The following MAGI2 variants were observed in gnomAD, a reference collection of about 807,000 sequenced individuals.
The protein encoded by MAGI2 is membrane associated guanylate kinase, WW and PDZ domain containing 2.
In MAGI2, 35 loss-of-function variants were observed where a neutral mutation model predicts 133.3. The ratio of observed to expected loss-of-function variants is 0.26; its 90% CI spans 0.20 to 0.35. The LOEUF (loss-of-function observed/expected upper bound fraction) is 0.35. Among genes scored for constraint, MAGI2 ranks in the 10% least tolerant of loss-of-function variants. MAGI2 has a pLI of 1.00. For missense variants in MAGI2, 1,636 were observed against 1,863.4 expected (o/e 0.88, Z 2.25); for synonymous variants, 729 against 710.6 (o/e 1.03, Z -0.41).
At chr7:78,347,880 C>A (rs1384691202) in intron 7 of MAGI2, among the ~76,000 whole-genome samples, 1 of 152,186 alleles carries the variant, frequency 6.6e-6, no homozygotes, top group Non-Finnish European at 1.5e-5. Context: ...GACTGTGGTG[C>A]ACAGTGAACT....
intron 3 of MAGI2, among the ~76,000 whole-genome samples, chr7:78,591,237 T>C (rs1419954288): frequency 2.0e-5 from 3 of 152,186 alleles, no homozygotes; most frequent in Non-Finnish European, 4.4e-5. Flanking sequence ...TTTCAAGAAG[T>C]CATATTGACT....
At chr7:78,853,064 C>T (rs1380176301) in intron 2 of MAGI2, among the ~76,000 whole-genome samples, 1 of 151,698 alleles carries the variant, frequency 6.6e-6, no homozygotes, top group African/African-American at 2.4e-5. Context: ...ACAAAGCAAC[C>T]CAAGAAAAAA....
intron 1 of MAGI2, among the ~76,000 whole-genome samples, chr7:79,181,613 T>C (rs2191811): frequency 0.77 from 116,738 of 151,788 alleles, 46,212 homozygotes; most frequent in Non-Finnish European, 0.87. Context: ...GAGACATTTT[T>C]CCCATTGTCT....
At position 78,804,748 on chromosome 7, in the gene MAGI2, CAAAAAAAA is replaced by C. The variant is rs373472835; in HGVS notation, c.419-177517_419-177510del. 1.8e-3 allele frequency among the ~76,000 whole-genome samples: 172 copies of C among 97,616 alleles called. 3 individuals carry two copies. The highest frequency in any genetic ancestry group is 5.0e-3 in the South Asian group (16 of 3,232). 64.0% of individuals were successfully genotyped at this position (97,616 alleles called of 152,430 possible). The stretch of plus-strand genomic sequence containing the variant: ...TGGGCAACAGAGCGAGACTCTGTCT[CAAAAAAAA>C]AAAAAAAAAAAAAAAACCTTTGGCC... On this transcript the variant is annotated intron_variant, in intron 2 of 21. Coordinates refer to ENST00000354212, the MANE Select transcript of MAGI2 (RefSeq NM_012301.4).
intron 1 of MAGI2, among the ~76,000 whole-genome samples, chr7:79,297,480 C>T (rs935061681): frequency 6.6e-6 from 1 of 152,092 alleles, no homozygotes; most frequent in Non-Finnish European, 1.5e-5. Context: ...CTAAGAGCCT[C>T]AGTTAAATTT....
At position 78,033,472 on chromosome 7, in the gene MAGI2, CAAAAAA is replaced by C. The variant is rs199985014; in HGVS notation, c.3707-13502_3707-13497del. 8.3e-5 allele frequency among the ~76,000 whole-genome samples: 11 copies of C among 132,400 alleles called. No individual in the cohort carries two copies. In the East Asian group the frequency reaches 2.0e-3, roughly 24 times the overall value. The allele number at this position is 132,400 out of a possible 152,430, so 86.9% of individuals were successfully genotyped here. On this transcript the variant is annotated intron_variant, in intron 21 of 21. Coordinates refer to ENST00000354212, the MANE Select transcript of MAGI2 (RefSeq NM_012301.4). Reference sequence around the variant, plus strand: ...TGAGCAACACAGTAAGAGCTTGTCTCAAAAAAAAAAAAAAAAAAAAGAAAAAAGAAA... The same window carrying C: ...TGAGCAACACAGTAAGAGCTTGTCTCAAAAAAAAAAAAAAGAAAAAAGAAA...
chr7:78,215,539 TA>T (rs1788183923), intron 10 of MAGI2, among the ~76,000 whole-genome samples: 2 of 152,090 alleles, frequency 1.3e-5, no homozygotes, highest in South Asian at 4.2e-4. Context: ...ACTATGCACT[TA>T]GAGTGATGAT....
chr7:79,048,364 G>C (rs2116965418), intron 1 of MAGI2, among the ~76,000 whole-genome samples: 1 of 152,244 alleles, frequency 6.6e-6, no homozygotes, highest in South Asian at 2.1e-4. Flanking sequence ...GTTTACTTGA[G>C]GAACAAAATG....
intron 21 of MAGI2, among the ~76,000 whole-genome samples, chr7:78,061,080 C>G (rs1438818903): frequency 1.3e-5 from 2 of 151,202 alleles, no homozygotes; most frequent in African/African-American, 4.9e-5. Context: ...GTGAGAATTG[C>G]CTGAACCCAG....
intron 7 of MAGI2, among the ~76,000 whole-genome samples, chr7:78,363,845 CT>C (rs1218482685): frequency 6.6e-6 from 1 of 152,190 alleles, no homozygotes; most frequent in Non-Finnish European, 1.5e-5. Flanking sequence ...ATAAAAATAT[CT>C]ATAGCTCAGT....
chr7:78,387,812 G>A (rs2151306890), intron 6 of MAGI2, among the ~76,000 whole-genome samples: 1 of 152,198 alleles, frequency 6.6e-6, no homozygotes, highest in South Asian at 2.1e-4. Context: ...TGTAGTTGCA[G>A]CTACTCAGGA....
chr7:78,570,381 A>G (rs1302611791), intron 3 of MAGI2, among the ~76,000 whole-genome samples: 1 of 152,198 alleles, frequency 6.6e-6, no homozygotes, highest in Non-Finnish European at 1.5e-5. Flanking sequence ...TTCCTAAAGT[A>G]GCGTGGGGAA....
chr7:78,172,146 A>AG (rs1481869619), intron 14 of MAGI2, among the ~76,000 whole-genome samples: 1 of 152,206 alleles, frequency 6.6e-6, no homozygotes, highest in Non-Finnish European at 1.5e-5. Flanking sequence ...CCAGTAAGTC[A>AG]GGGGAAAAAC....
chr7:79,379,679 T>C (rs1278763979), intron 1 of MAGI2, among the ~76,000 whole-genome samples: 6 of 151,980 alleles, frequency 3.9e-5, no homozygotes, highest in Admixed American at 3.9e-4. Context: ...TGGTATCTCA[T>C]TGTGGTTTTG....
At chr7:78,583,880 T>A (rs568457408) in intron 3 of MAGI2, among the ~76,000 whole-genome samples, 3 of 152,212 alleles carry the variant, frequency 2.0e-5, no homozygotes, top group African/African-American at 7.2e-5. Flanking sequence ...TGAGTCCTTA[T>A]AATGGAGAAT....
chr7:79,001,951 G>A (rs973520576), intron 2 of MAGI2, among the ~76,000 whole-genome samples: 1 of 152,150 alleles, frequency 6.6e-6, no homozygotes, highest in Middle Eastern at 3.4e-3. Context: ...ACTCTTTCAA[G>A]ACTTTTATCT....
intron 1 of MAGI2, among the ~76,000 whole-genome samples, chr7:79,385,243 T>C (rs969328082): frequency 2.6e-5 from 4 of 151,878 alleles, no homozygotes; most frequent in African/African-American, 9.6e-5. Flanking sequence ...CTCGCATAAA[T>C]GTAAGGCTGT....
chr7:79,319,631 AAT>A (rs1205963698), intron 1 of MAGI2, among the ~76,000 whole-genome samples: 2 of 152,166 alleles, frequency 1.3e-5, no homozygotes, highest in Non-Finnish European at 2.9e-5. Flanking sequence ...CAAAGCAGAA[AAT>A]ATGAGCCATG....
intron 1 of MAGI2, among the ~76,000 whole-genome samples, chr7:79,267,975 G>A (rs745970131): frequency 6.6e-6 from 1 of 152,122 alleles, no homozygotes; most frequent in Non-Finnish European, 1.5e-5. Flanking sequence ...AAAAGCCTAG[G>A]TGTGATGACA....
Sources: allele counts gnomAD v4.1 joint callset (sites outside exome capture counted in the v4.1 genomes callset), GRCh38; gene constraint gnomAD v4.1.1; transcripts MANE v1.5; gene names NCBI Gene and HGNC (gene_info 2026-07-23, HGNC 2026-07-21).